The following SPDL1 variants were observed in gnomAD, a reference collection of about 807,000 sequenced individuals.
The protein encoded by SPDL1 is protein Spindly.
SPDL1 carries 85 observed loss-of-function variants against 79.5 expected under a neutral mutation model. The observed-to-expected ratio is 1.07, with a 90% CI of 0.90 to 1.28. SPDL1 has a LOEUF of 1.28. Among genes scored for constraint, SPDL1 ranks in the 50% most tolerant of loss-of-function variants. SPDL1 has a pLI of 0.00. For synonymous variants in SPDL1, 269 were observed against 240.3 expected (o/e 1.12, Z -1.10); for missense variants, 703 against 697.8 (o/e 1.01, Z -0.08).
At chr5:169,591,580 T>C (rs1012546430) in intron 3 of SPDL1, among the ~76,000 whole-genome samples, 1 of 152,202 alleles carries the variant, frequency 6.6e-6, no homozygotes, top group Non-Finnish European at 1.5e-5. Context: ...TGTAATTCTG[T>C]AAAACAGACC....
In SPDL1 at chr5:169,593,338, T is replaced by C. The variant is rs1295426905; in HGVS notation, c.337-16T>C. 28 of 1,570,750 alleles carry C rather than the reference T, an allele frequency of 1.8e-5. No individual in the cohort carries two copies. Among genetic ancestry groups the C allele is most frequent in the Non-Finnish European group, 2.2e-5 (26 of 1,164,678 alleles). ...AAATAACTTTCAATTTATGACTTTT[T>C]TTTTTTTGGCTTTAGATAGAAAAAC... is the stretch of plus-strand genomic sequence containing the variant. On this transcript the variant is annotated splice_polypyrimidine_tract_variant and intron_variant, in intron 3 of 11. Coordinates refer to ENST00000265295, the MANE Select transcript of SPDL1 (RefSeq NM_017785.5).
rs1581301033 is a variant in SPDL1, at chr5:169,593,631, G to A, written c.531+83G>A. 6 of 1,371,264 alleles carry A rather than the reference G, an allele frequency of 4.4e-6. No homozygotes were observed. The East Asian group carries it at 1.2e-4, about 28-fold the overall frequency. 84.9% of individuals were successfully genotyped at this position (1,371,264 alleles called of 1,614,324 possible). ...TACATGTTTTGGTAATAATTCTTAA[G>A]AGCTAGTTTGAAGGCTGAAACATTT... On this transcript the variant is annotated intron_variant, in intron 4 of 11. Coordinates refer to ENST00000265295, the MANE Select transcript of SPDL1 (RefSeq NM_017785.5).
intron 4 of SPDL1, among the ~76,000 whole-genome samples, chr5:169,593,875 A>G (rs1290295166): frequency 6.6e-6 from 1 of 152,194 alleles, no homozygotes; most frequent in African/African-American, 2.4e-5. Flanking sequence ...AATGCATGTG[A>G]ACTTGGTTTT....
At chr5:169,590,633 T>C (rs1297284133) in intron 2 of SPDL1, 3 of 427,688 alleles carry the variant, frequency 7.0e-6, no homozygotes, top group South Asian at 3.4e-5. Context: ...AGTATTTCTT[T>C]TTTTTCAACT....
In SPDL1 at chr5:169,599,259, C is replaced by T. The variant is rs1401721283; in HGVS notation, c.1324+100C>T. Reference sequence around the variant, plus strand: ...TAGTTTTATGCAACTCTATTACAAACTCATTTGTAGTTATATACCTATAGT... The same window carrying T: ...TAGTTTTATGCAACTCTATTACAAATTCATTTGTAGTTATATACCTATAGT... On this transcript the variant is annotated intron_variant, in intron 10 of 11. Transcript: ENST00000265295. 1.5e-5 allele frequency: 15 copies of T among 1,021,134 alleles called. No homozygotes were observed. In the East Asian group the frequency reaches 4.2e-4, roughly 28 times the overall value. 63.3% of individuals were successfully genotyped at this position (1,021,134 alleles called of 1,614,324 possible).
At chr5:169,601,998 A>G (rs1156744880) in intron 11 of SPDL1, 1 of 265,710 alleles carries the variant, frequency 3.8e-6, no homozygotes, top group East Asian at 1.0e-4. Flanking sequence ...GCTTTCCAGT[A>G]GTCTAAGAAA....
intron 3 of SPDL1, among the ~76,000 whole-genome samples, chr5:169,591,512 A>G (rs1755286641): frequency 6.6e-6 from 1 of 152,212 alleles, no homozygotes; most frequent in African/African-American, 2.4e-5. Context: ...TAGTGGGTAC[A>G]GCAGCCCCTT....
rs372751822 is a variant in SPDL1 at position 169,593,467 on chromosome 5, A to T, written c.450A>T (p.Val150=). The T allele has an allele frequency of 6.2e-6, 10 of 1,614,186 alleles. No homozygotes were observed. The highest frequency in any genetic ancestry group is 7.6e-6 in the Non-Finnish European group (9 of 1,180,016). The change falls in exon 4 of 12, where the codon GTA becomes GTT. Residue 150 remains valine, a synonymous_variant. Coordinates refer to ENST00000265295, the MANE Select transcript of SPDL1 (RefSeq NM_017785.5). ...CTTGTAAATCAGAGGAACTGCGCGT[A>T]ATGTCTGAACGTGTGCAGGAAAGCA... is the stretch of plus-strand genomic sequence containing the variant. ...LLSCKSEELR[V]MSERVQESMS...
intron 10 of SPDL1, among the ~76,000 whole-genome samples, chr5:169,601,065 A>G (rs1025546158): frequency 2.0e-5 from 3 of 152,226 alleles, no homozygotes; most frequent in Admixed American, 6.5e-5. Flanking sequence ...TTCCCAAGGA[A>G]AAATATATAG....
chr5:169,593,358 A>G lies in SPDL1; in HGVS notation c.341A>G (p.Glu114Gly). 1 of 1,582,822 alleles carries G rather than the reference A, an allele frequency of 6.3e-7. No homozygotes were observed. Among genetic ancestry groups the G allele is most frequent in the Non-Finnish European group, 8.5e-7 (1 of 1,170,980 alleles). Residue 114 changes from glutamate to glycine, a missense_variant, in exon 4 of 12, where the codon GAA (glutamate) becomes GGA (glycine). Coordinates refer to ENST00000265295, the MANE Select transcript of SPDL1 (RefSeq NM_017785.5). ...CTTTTTTTTTTTTGGCTTTAGATAG[A>G]AAAACTGAAAGTGGAATTAGATGAA... ...QEVNELKTKIEKLKVELDEAR... is the reference protein window; with the variant it reads ...QEVNELKTKIGKLKVELDEAR...
chr5:169,600,192 C>T (rs1216565146), intron 10 of SPDL1, among the ~76,000 whole-genome samples: 2 of 152,222 alleles, frequency 1.3e-5, no homozygotes, highest in Non-Finnish European at 2.9e-5. Flanking sequence ...ATGCCTCAGT[C>T]TCTCTTCGTA....
chr5:169,590,682 G>A, intron 2 of SPDL1: 1 of 457,512 alleles, frequency 2.2e-6, no homozygotes, highest in South Asian at 1.5e-5. Flanking sequence ...TACAAGTAGA[G>A]CATCTCATTA....
At chr5:169,592,198 A>G (rs967201593) in intron 3 of SPDL1, among the ~76,000 whole-genome samples, 1 of 147,478 alleles carries the variant, frequency 6.8e-6, no homozygotes, top group Non-Finnish European at 1.5e-5. Flanking sequence ...AACATCAATG[A>G]AAGTATTTTT....
intron 3 of SPDL1, among the ~76,000 whole-genome samples, 174 bp from the exon 4 acceptor site, chr5:169,593,180 C>T (rs1043003086): frequency 6.6e-6 from 1 of 152,132 alleles, no homozygotes; most frequent in Non-Finnish European, 1.5e-5. Flanking sequence ...TGGATTATTT[C>T]TATGTTTATT....
intron 11 of SPDL1, among the ~76,000 whole-genome samples, chr5:169,603,582 G>A (rs1040826919): frequency 1.3e-5 from 2 of 152,130 alleles, no homozygotes; most frequent in Non-Finnish European, 2.9e-5. Context: ...TTGGCCCAGC[G>A]TGGTGCCTCA....
intron 9 of SPDL1, among the ~76,000 whole-genome samples, 168 bp downstream of exon 9, chr5:169,598,747 A>G (rs1288423858): frequency 2.6e-5 from 4 of 152,306 alleles, no homozygotes; most frequent in East Asian, 1.9e-4. Flanking sequence ...TTGAAAGACT[A>G]TTTCCTCCTT....
At chr5:169,594,102 A>T in intron 4 of SPDL1, 43 bp from the exon 5 acceptor site, 2 of 1,529,612 alleles carry the variant, frequency 1.3e-6, no homozygotes, top group Non-Finnish European at 1.8e-6. Context: ...CAAATGAAAG[A>T]TTATTCAAGA....
chr5:169,597,149 G>C (rs1471242796), intron 8 of SPDL1, among the ~76,000 whole-genome samples: 3 of 151,924 alleles, frequency 2.0e-5, no homozygotes, highest in African/African-American at 7.3e-5. Context: ...GGGTTTCCTA[G>C]CTCACCTGGC....
chr5:169,588,303 A>G (rs1311062236), intron 1 of SPDL1, 91 bp from the exon 2 acceptor site: 2 of 823,954 alleles, frequency 2.4e-6, no homozygotes, highest in Non-Finnish European at 3.7e-6. Context: ...ATACGACAGT[A>G]GTATTGAGTA....
Sources: allele counts gnomAD v4.1 joint callset (sites outside exome capture counted in the v4.1 genomes callset), GRCh38; gene constraint gnomAD v4.1.1; transcripts MANE v1.5; gene names NCBI Gene and HGNC (gene_info 2026-07-23, HGNC 2026-07-21).